AKAP8: variants seen among roughly 807,000 people sequenced by gnomAD.
AKAP8 encodes A-kinase anchoring protein 8, also known as A-kinase anchor protein 8.
In AKAP8, 24 loss-of-function variants were observed where a neutral mutation model predicts 67.5. The observed-to-expected ratio is 0.36, with a 90% CI of 0.26 to 0.50. AKAP8 has a LOEUF of 0.50. Ranked by LOEUF, AKAP8 falls within the 20% of genes least tolerant of loss-of-function variation. The pLI, the probability that AKAP8 is intolerant of heterozygous loss-of-function variation, is 0.97. For synonymous variants in AKAP8, 400 were observed against 371.1 expected (o/e 1.08, Z -0.90); for missense variants, 971 against 955.9 (o/e 1.02, Z -0.21).
At chr19:15,366,525 ATT>A (rs1347823009) in intron 9 of AKAP8, among the ~76,000 whole-genome samples, 2 of 144,560 alleles carry the variant, frequency 1.4e-5, no homozygotes, top group Non-Finnish European at 3.0e-5. Flanking sequence ...TGGAACAGTG[ATT>A]TTCTTTTTTT....
Position 15,355,015 on chromosome 19 carries a change from G to A in AKAP8, c.1979C>T (p.Ala660Val). The A allele has an allele frequency of 6.2e-7, 1 of 1,614,146 alleles. No homozygotes were observed. Among genetic ancestry groups the A allele is most frequent in the South Asian group, 1.1e-5 (1 of 91,084 alleles). ...AGCAACTCTGGTTTGGGCACTTTCT[G>A]CCTCTGCTGCCATTGTCTCGGCGCC... Reference protein sequence around the residue: ...GNGAETMAAEAESAQTRVAPA... With the variant: ...GNGAETMAAEVESAQTRVAPA... The change falls in exon 14 of 14, where the codon GCA becomes GTA. Residue 660 changes from alanine to valine, a missense_variant. Transcript: ENST00000269701.
chr19:15,355,209 G>C lies in AKAP8; in HGVS notation c.1785C>G (p.Pro595=). The C allele has an allele frequency of 1.2e-6, 2 of 1,611,384 alleles. No homozygotes were observed. The highest frequency in any genetic ancestry group is 1.7e-6 in the Non-Finnish European group (2 of 1,180,024). Residue 595 remains proline, a synonymous_variant, in exon 14 of 14, where the codon CCC becomes CCG. Transcript: ENST00000269701. ...CCGGCTCCCCGCTGCTCTCTGGAGC[G>C]GGCGCTCCTTCCCCATCTACGGCCC... ...AVRAVDGEGA[P]APESSGEPAE... is the part of the protein sequence containing the mutation.
At chr19:15,363,309 G>A (rs1410303067) in intron 9 of AKAP8, among the ~76,000 whole-genome samples, 2 of 142,966 alleles carry the variant, frequency 1.4e-5, no homozygotes, top group Non-Finnish European at 1.5e-5. Flanking sequence ...ACTGGGAAGT[G>A]AGGAGACCCT....
At chr19:15,364,803 G>A (rs1363246968) in intron 9 of AKAP8, among the ~76,000 whole-genome samples, 2 of 151,904 alleles carry the variant, frequency 1.3e-5, no homozygotes, top group South Asian at 2.1e-4. Context: ...TCTTTTTCTC[G>A]AGATGAGATT....
chr19:15,377,042 T>G (rs772364796), intron 1 of AKAP8, 28 bp from the exon 2 acceptor site: 35 of 1,610,452 alleles, frequency 2.2e-5, no homozygotes, highest in Non-Finnish European at 2.8e-5. Context: ...GAGTTAAAAT[T>G]CTATTTGTCA....
chr19:15,360,781 G>A, intron 12 of AKAP8, 67 bp downstream of exon 12: 1 of 1,551,680 alleles, frequency 6.4e-7, no homozygotes, highest in South Asian at 1.2e-5. Context: ...TTCCCCATAA[G>A]ACACAGCAGG....
intron 12 of AKAP8, among the ~76,000 whole-genome samples, chr19:15,360,132 T>TAA (rs912822693): frequency 1.4e-5 from 2 of 142,148 alleles, no homozygotes; most frequent in Non-Finnish European, 3.1e-5. Context: ...TGAAACTCCG[T>TAA]AAAAAAAAAA....
intron 7 of AKAP8, among the ~76,000 whole-genome samples, chr19:15,370,766 G>A (rs1967142832): frequency 6.6e-6 from 1 of 151,004 alleles, no homozygotes; most frequent in South Asian, 2.1e-4. Flanking sequence ...CGAGTAGCTG[G>A]GACTATAGGC....
At chr19:15,371,717 G>A (rs958355503) in intron 7 of AKAP8, among the ~76,000 whole-genome samples, 14 of 152,050 alleles carry the variant, frequency 9.2e-5, no homozygotes, top group South Asian at 2.1e-4. Flanking sequence ...TCCAACTCTC[G>A]ACCTCAAGTG....
intron 9 of AKAP8, among the ~76,000 whole-genome samples, chr19:15,366,388 T>C (rs557834723): frequency 9.2e-5 from 14 of 152,192 alleles, no homozygotes; most frequent in Non-Finnish European, 1.5e-4. Context: ...CATTTATCTG[T>C]TTAAAATAAC....
At chr19:15,364,156 T>C (rs796218906) in intron 9 of AKAP8, among the ~76,000 whole-genome samples, 25 of 127,308 alleles carry the variant, frequency 2.0e-4, no homozygotes, top group African/African-American at 6.5e-4. Flanking sequence ...TTTTTTTCTT[T>C]CCTTTTTTTT....
chr19:15,356,852 C>T (rs532510762), intron 13 of AKAP8, among the ~76,000 whole-genome samples: 3 of 151,052 alleles, frequency 2.0e-5, no homozygotes, highest in East Asian at 2.0e-4. Flanking sequence ...AGCATGTGGC[C>T]GGGTGCAGTG....
chr19:15,366,154 G>GAAAAAAAAAAAAA (rs374068497), intron 9 of AKAP8, among the ~76,000 whole-genome samples: 1 of 95,028 alleles, frequency 1.1e-5, no homozygotes, highest in African/African-American at 4.3e-5. Flanking sequence ...AAAGCAAAAA[G>GAAAAAAAAAAAAA]AAAAAAAAAA....
intron 9 of AKAP8, among the ~76,000 whole-genome samples, chr19:15,363,109 C>T (rs1185490901): frequency 6.7e-6 from 1 of 149,958 alleles, no homozygotes; most frequent in Non-Finnish European, 1.5e-5. Flanking sequence ...AAGTGAGGAG[C>T]CCCTCCGCCC....
At position 15,354,508 on chromosome 19, in the gene AKAP8, T is replaced by C. The variant is rs1323305887; in HGVS notation, c.*407A>G. The C allele has an allele frequency of 1.6e-5, 3 of 188,740 alleles. No homozygotes were observed. The highest frequency in any genetic ancestry group is 5.3e-5 in the Admixed American group (1 of 18,746). The allele number at this position is 188,740 out of a possible 1,614,324, so 11.7% of individuals were successfully genotyped here. ...GAAACATACAAAAAAAAATCCTCTA[T>C]AGAGCAAGATATATTCCTAGTATTC... is the stretch of plus-strand genomic sequence containing the variant. On this transcript the variant is annotated 3_prime_UTR_variant, in exon 14 of 14. Coordinates refer to ENST00000269701, the MANE Select transcript of AKAP8 (RefSeq NM_005858.4).
rs574767404 is a variant in AKAP8 at position 15,369,141 on chromosome 19, C to T, written c.1073-819G>A. 1.3e-4 allele frequency: 127 copies of T among 985,434 alleles called. No individual in the cohort carries two copies. Among genetic ancestry groups the T allele is most frequent in the Non-Finnish European group, 1.4e-4 (115 of 829,958 alleles). 61.0% of individuals were successfully genotyped at this position (985,434 alleles called of 1,614,324 possible). On this transcript the variant is annotated intron_variant, in intron 8 of 13. Transcript: ENST00000269701. The surrounding 1 kb of genome is among the most constrained non-coding windows in gnomAD (Gnocchi z 4.6). The stretch of plus-strand genomic sequence containing the variant: ...GCTGCTCAGAAGCCTCTCAAAAGGG[C>T]GTGTGGGATTTTTGGCAAGAGGTCA...
At chr19:15,365,096 C>T (rs1351008741) in intron 9 of AKAP8, among the ~76,000 whole-genome samples, 1 of 152,224 alleles carries the variant, frequency 6.6e-6, no homozygotes, top group Non-Finnish European at 1.5e-5. Flanking sequence ...CCTGAGAAAA[C>T]ACCAGAAAGC....
At chr19:15,368,158 C>A in intron 9 of AKAP8, 77 bp downstream of exon 9, 1 of 1,571,396 alleles carries the variant, frequency 6.4e-7, no homozygotes, top group Non-Finnish European at 8.6e-7. Flanking sequence ...CATTGTGGAG[C>A]GAGGACAGGT....
Position 15,374,271 on chromosome 19 carries a change from G to A in AKAP8, c.92-206C>T, listed in dbSNP as rs574094317. ...AAAGGGGCAGCCTCAGTGCCGAGCG[G>A]CGGGTTTTCCATGCCAGACGCTAGG... On this transcript the variant is annotated intron_variant, in intron 3 of 13. Coordinates refer to ENST00000269701, the MANE Select transcript of AKAP8 (RefSeq NM_005858.4). 5.9e-4 allele frequency among the ~76,000 whole-genome samples: 90 copies of A among 152,348 alleles called. 1 individual carries two copies. In the Middle Eastern group the frequency reaches 0.01, roughly 17 times the overall value.
Sources: allele counts gnomAD v4.1 joint callset (sites outside exome capture counted in the v4.1 genomes callset), GRCh38; gene constraint gnomAD v4.1.1; non-coding constraint Gnocchi (gnomAD v3.1); transcripts MANE v1.5; gene names NCBI Gene and HGNC (gene_info 2026-07-23, HGNC 2026-07-21).